Variants in EDIL3 observed in about 807,000 individuals in gnomAD.
The protein encoded by EDIL3 is EGF-like repeat and discoidin I-like domain-containing protein 3.
EDIL3 carries 37 observed loss-of-function variants against 67.4 expected under a neutral mutation model. That is an observed-to-expected ratio of 0.55 (90% CI 0.42 to 0.72). The LOEUF (loss-of-function observed/expected upper bound fraction) is 0.72, where lower values mean the gene tolerates loss of function less well. Ranked by LOEUF, EDIL3 falls within the 30% of genes least tolerant of loss-of-function variation. The pLI is 0.00. For missense variants in EDIL3, 527 were observed against 586.3 expected, an observed-to-expected ratio of 0.90 and a Z score of 1.04; for synonymous variants, 195 against 196.3, an observed-to-expected ratio of 0.99 and a Z score of 0.05.
chr5:84,148,207 A>G (rs1213127968), intron 4 of EDIL3, among the ~76,000 whole-genome samples: 1 of 152,142 alleles, frequency 6.6e-6, no homozygotes, highest in Non-Finnish European at 1.5e-5. Flanking sequence ...TTTCTTGGTT[A>G]TGGCCATGGA....
chr5:84,105,619 T>C (rs1247217597), intron 6 of EDIL3, among the ~76,000 whole-genome samples: 1 of 152,000 alleles, frequency 6.6e-6, no homozygotes, highest in African/African-American at 2.4e-5. Context: ...TAATCAAAAC[T>C]CTGCAATATC....
chr5:84,056,699 T>A (rs72774768), intron 9 of EDIL3, among the ~76,000 whole-genome samples: 28,629 of 151,760 alleles, frequency 0.19, 3,000 homozygotes, highest in Admixed American at 0.24. Context: ...AGACATTTTT[T>A]AAAAAAATAG....
chr5:83,980,733 A>G (rs1744956678), intron 9 of EDIL3, among the ~76,000 whole-genome samples: 1 of 148,326 alleles, frequency 6.7e-6, no homozygotes, highest in African/African-American at 2.4e-5. Flanking sequence ...AAAATTAATA[A>G]AAAAGAAAAT....
At chr5:84,071,896 A>C (rs753186075) in intron 6 of EDIL3, among the ~76,000 whole-genome samples, 1 of 152,172 alleles carries the variant, frequency 6.6e-6, no homozygotes, top group Non-Finnish European at 1.5e-5. Flanking sequence ...ATAGAAAACC[A>C]ATAGACTCCA....
intron 3 of EDIL3, among the ~76,000 whole-genome samples, chr5:84,209,299 A>G (rs549019132): frequency 9.9e-4 from 151 of 152,148 alleles, no homozygotes; most frequent in African/African-American, 2.8e-3. Flanking sequence ...TGGGTGCAGC[A>G]CACCAGCATG....
chr5:84,074,343 C>T (rs1746808149), intron 6 of EDIL3, among the ~76,000 whole-genome samples: 1 of 151,936 alleles, frequency 6.6e-6, no homozygotes, highest in South Asian at 2.1e-4. Flanking sequence ...CCAAAATTGA[C>T]AAATGGGATC....
At chr5:84,284,242 T>C (rs1296219860) in intron 1 of EDIL3, among the ~76,000 whole-genome samples, 1 of 152,196 alleles carries the variant, frequency 6.6e-6, no homozygotes, top group East Asian at 1.9e-4. Flanking sequence ...ATATTCTGTA[T>C]GTATATGTTT....
At chr5:83,960,924 G>A (rs1744596278) in intron 10 of EDIL3, among the ~76,000 whole-genome samples, 1 of 150,968 alleles carries the variant, frequency 6.6e-6, no homozygotes, top group African/African-American at 2.4e-5. Context: ...AGCAGAGATA[G>A]ACTGGACAAA....
intron 2 of EDIL3, among the ~76,000 whole-genome samples, chr5:84,240,739 G>C (rs374571163): frequency 6.6e-6 from 1 of 152,104 alleles, no homozygotes; most frequent in Non-Finnish European, 1.5e-5. Flanking sequence ...GTTGGGGACC[G>C]CAGCTCTATG....
intron 9 of EDIL3, among the ~76,000 whole-genome samples, chr5:84,040,401 G>A (rs996350685): frequency 6.6e-6 from 1 of 151,648 alleles, no homozygotes; most frequent in Non-Finnish European, 1.5e-5. Flanking sequence ...ATACCTCATG[G>A]TCATTGTTCA....
intron 4 of EDIL3, among the ~76,000 whole-genome samples, chr5:84,176,020 A>G (rs149366898): frequency 6.6e-6 from 1 of 151,732 alleles, no homozygotes; most frequent in East Asian, 1.9e-4. Flanking sequence ...GAAATATGGA[A>G]GTTACAAAAG....
At chr5:84,299,754 A>G in intron 1 of EDIL3, among the ~76,000 whole-genome samples, 1 of 152,164 alleles carries the variant, frequency 6.6e-6, no homozygotes, top group East Asian at 1.9e-4. Flanking sequence ...ATGTATGTAC[A>G]TATGTATGTA....
At chr5:84,096,395 T>C (rs1366710971) in intron 6 of EDIL3, among the ~76,000 whole-genome samples, 1 of 152,198 alleles carries the variant, frequency 6.6e-6, no homozygotes, top group Non-Finnish European at 1.5e-5. Flanking sequence ...CAGCTTGACA[T>C]GGATGTGAGA....
Position 83,943,453 on chromosome 5 carries a change from C to T in EDIL3, c.1409G>A (p.Arg470Gln), listed in dbSNP as rs763908970. Reference sequence around the variant, plus strand: ...CTCTGTGCAGCCCAGCAGCTCTGACCGCAATGTGATCCTCCCGTACCAGGA... The same window carrying T: ...CTCTGTGCAGCCCAGCAGCTCTGACTGCAATGTGATCCTCCCGTACCAGGA... ...PWSWYGRITL[R>Q]SELLGCTEEE The change falls in exon 11 of 11, where the codon CGG becomes CAG. Residue 470 changes from arginine (R) to glutamine (Q), a missense_variant. By Grantham distance (43) the Arg-to-Gln change is conservative. Around this residue, in one of 2 missense-constraint regions of EDIL3, gnomAD observed 33 missense variants for 63.7 expected, o/e 0.52. Coordinates refer to ENST00000296591, the MANE Select transcript of EDIL3 (RefSeq NM_005711.5). The T allele has an allele frequency of 1.9e-6, 3 of 1,612,660 alleles. No individual in the cohort carries two copies. The highest frequency in any genetic ancestry group is 2.5e-6 in the Non-Finnish European group (3 of 1,179,210).
At chr5:84,169,199 T>A (rs1471557633) in intron 4 of EDIL3, among the ~76,000 whole-genome samples, 1 of 152,044 alleles carries the variant, frequency 6.6e-6, no homozygotes. Flanking sequence ...TTATGCATTG[T>A]GGTGCTGTTA....
chr5:83,995,008 G>T lies in EDIL3; in HGVS notation c.1138-31648C>A, dbSNP rs538868807. ...TATGTGTGTAGTGTGTATAAATTTT[G>T]TGTATTTTCCCTTCCTTTATAGCAG... On this transcript the variant is annotated intron_variant, in intron 9 of 10. Coordinates refer to ENST00000296591, the MANE Select transcript of EDIL3 (RefSeq NM_005711.5). 7.0e-4 allele frequency among the ~76,000 whole-genome samples: 106 copies of T among 152,084 alleles called. 2 individuals are homozygous for T. Among genetic ancestry groups the T allele is most frequent in the South Asian group, 3.7e-3 (18 of 4,820 alleles).
chr5:84,074,601 C>T (rs1746814892), intron 6 of EDIL3, among the ~76,000 whole-genome samples: 1 of 151,744 alleles, frequency 6.6e-6, no homozygotes, highest in South Asian at 2.1e-4. Context: ...TGAAAAAATG[C>T]TCACCATCAC....
In EDIL3 at chr5:84,276,903, T is replaced by C. The variant is rs369772966; in HGVS notation, c.68-22691A>G. On this transcript the variant is annotated intron_variant, in intron 1 of 10. Transcript: ENST00000296591. ...TACTTACTTTTTGACTTTATGTTCA[T>C]GTCAAGTATTTTTAGTTATATATAG... is the stretch of plus-strand genomic sequence containing the variant. Among the ~76,000 whole-genome samples, 15 of 152,236 alleles carry C rather than the reference T, an allele frequency of 9.9e-5. No homozygotes were observed. The East Asian group carries it at 2.9e-3, about 29-fold the overall frequency.
chr5:84,328,664 T>C (rs534981294), intron 1 of EDIL3, among the ~76,000 whole-genome samples: 119 of 152,134 alleles, frequency 7.8e-4, no homozygotes, highest in African/African-American at 2.8e-3. Context: ...AATGGCAAAT[T>C]TCTTCAGTTC....
Sources: allele counts gnomAD v4.1 joint callset (sites outside exome capture counted in the v4.1 genomes callset), GRCh38; gene constraint gnomAD v4.1.1; regional missense constraint gnomAD v4.1.1; transcripts MANE v1.5; gene names NCBI Gene and HGNC (gene_info 2026-07-23, HGNC 2026-07-21).